Variants in ANKRD36B observed in about 807,000 individuals in gnomAD.
ANKRD36B encodes the protein ankyrin repeat domain 36B, also known as ankyrin repeat domain-containing protein 36B.
In ANKRD36B, 37 loss-of-function variants were observed where a neutral mutation model predicts 135.7. The observed-to-expected ratio is 0.27, with a 90% CI of 0.21 to 0.36. ANKRD36B has a LOEUF of 0.36. Ranked by LOEUF, ANKRD36B falls within the 10% of genes least tolerant of loss-of-function variation. ANKRD36B has a pLI of 1.00. For missense variants in ANKRD36B, 549 were observed against 1,037.1 expected, an observed-to-expected ratio of 0.53 and a Z score of 6.46; for synonymous variants, 179 against 348.1, an observed-to-expected ratio of 0.51 and a Z score of 5.41.
intron 4 of ANKRD36B, among the ~76,000 whole-genome samples, chr2:97,579,762 A>G (rs1236924335): frequency 6.6e-6 from 1 of 151,592 alleles, no homozygotes; most frequent in African/African-American, 2.4e-5. Flanking sequence ...GCACATACTT[A>G]TATGCTCAGC....
chr2:97,584,534 A>G (rs1316905053), intron 3 of ANKRD36B, among the ~76,000 whole-genome samples: 1 of 152,028 alleles, frequency 6.6e-6, no homozygotes, highest in African/African-American at 2.4e-5. Flanking sequence ...CAACATGTAC[A>G]TTTATTGTGA....
rs1174528561 is a variant in ANKRD36B, at chr2:97,530,280, C to T, written c.2265+2031G>A. ...TCTACAACTATCTGATCTTTGACAA[C>T]CCTGAGAAAAACAAGCAACGGGGAA... On this transcript the variant is annotated intron_variant, in intron 35 of 43. Transcript: ENST00000359901. 3.2e-5 allele frequency among the ~76,000 whole-genome samples: 3 copies of T among 94,872 alleles called. 1 individual carries two copies. Among genetic ancestry groups the T allele is most frequent in the African/African-American group, 9.6e-5 (3 of 31,272 alleles). The allele number at this position is 94,872 out of a possible 152,430, so 62.2% of individuals were successfully genotyped here.
At chr2:97,567,392 G>A (rs931708895) in intron 6 of ANKRD36B, among the ~76,000 whole-genome samples, 2 of 151,178 alleles carry the variant, frequency 1.3e-5, no homozygotes, top group African/African-American at 4.9e-5. Flanking sequence ...GAGGTGAGGG[G>A]TGGGGCTGGA....
At chr2:97,567,762 G>C (rs1411440498) in intron 6 of ANKRD36B, among the ~76,000 whole-genome samples, 1 of 152,102 alleles carries the variant, frequency 6.6e-6, no homozygotes, top group Non-Finnish European at 1.5e-5. Flanking sequence ...CCTTTGTCAA[G>C]TGCATACACA....
At chr2:97,558,598 T>G (rs1462498546) in intron 10 of ANKRD36B, among the ~76,000 whole-genome samples, 5 of 151,918 alleles carry the variant, frequency 3.3e-5, no homozygotes, top group African/African-American at 7.2e-5. Context: ...CTTCCCAATT[T>G]CAATGTGAGG....
intron 6 of ANKRD36B, among the ~76,000 whole-genome samples, chr2:97,570,909 C>T (rs910921442): frequency 5.9e-5 from 9 of 152,158 alleles, no homozygotes; most frequent in Non-Finnish European, 1.2e-4. Flanking sequence ...CCTGTGACTA[C>T]GATCAGAAGG....
intron 6 of ANKRD36B, among the ~76,000 whole-genome samples, chr2:97,563,085 A>C (rs1469578122): frequency 6.6e-6 from 1 of 152,052 alleles, no homozygotes; most frequent in African/African-American, 2.4e-5. Context: ...GAGCTATTTT[A>C]TGTTTAACTA....
At chr2:97,522,191 C>A (rs2077977885) in intron 36 of ANKRD36B, among the ~76,000 whole-genome samples, 1 of 90,794 alleles carries the variant, frequency 1.1e-5, no homozygotes, top group Admixed American at 9.9e-5. Context: ...CAATTAAAAT[C>A]TTCTGCTCTT....
intron 3 of ANKRD36B, among the ~76,000 whole-genome samples, chr2:97,584,542 T>G (rs2082842207): frequency 1.3e-5 from 2 of 151,984 alleles, no homozygotes; most frequent in Non-Finnish European, 2.9e-5. Context: ...ACATTTATTG[T>G]GAAATTCTTT....
At chr2:97,579,534 AT>A (rs2082447907) in intron 4 of ANKRD36B, among the ~76,000 whole-genome samples, 1 of 148,056 alleles carries the variant, frequency 6.8e-6, no homozygotes. Context: ...ATATATATAT[AT>A]ATATGGAGGA....
At chr2:97,504,725 AT>A (rs1301080445) in intron 43 of ANKRD36B, 1 of 21,432 alleles carries the variant, frequency 4.7e-5, no homozygotes, top group African/African-American at 2.0e-4. Flanking sequence ...CAAAAAAAAA[AT>A]AATAAAAAAA....
intron 6 of ANKRD36B, among the ~76,000 whole-genome samples, chr2:97,570,038 A>G (rs2081735873): frequency 6.6e-6 from 1 of 152,212 alleles, no homozygotes; most frequent in Non-Finnish European, 1.5e-5. Context: ...TAAATGAGAA[A>G]TCATTACTTA....
At position 97,528,703 on chromosome 2, in the gene ANKRD36B, A is replaced by G. The variant is rs1432586509; in HGVS notation, c.2265+3608T>C. On this transcript the variant is annotated intron_variant, in intron 35 of 43. Transcript: ENST00000359901. ...GAGAGAAGAATCAAATAGATGCAAT[A>G]CAAAATGATAAAGGGGGTATCACCA... Among the ~76,000 whole-genome samples the G allele has an allele frequency of 2.0e-4, 19 of 96,680 alleles. 7 individuals carry two copies. The highest frequency in any genetic ancestry group is 7.3e-4 in the Admixed American group (8 of 10,908). The allele number at this position is 96,680 out of a possible 152,430, so 63.4% of individuals were successfully genotyped here. A position where few individuals can be genotyped will look rare whatever the true frequency, so the allele number is the denominator to read the frequency against.
At chr2:97,557,743 T>C (rs2080659016) in intron 10 of ANKRD36B, among the ~76,000 whole-genome samples, 1 of 151,872 alleles carries the variant, frequency 6.6e-6, no homozygotes, top group African/African-American at 2.4e-5. Context: ...GTGCCTACAT[T>C]TGTTGTGTCC....
chr2:97,589,705 C>T lies in ANKRD36B; in HGVS notation c.-20G>A. 1 of 1,614,012 alleles carries T rather than the reference C, an allele frequency of 6.2e-7. No homozygotes were observed. The highest frequency in any genetic ancestry group is 8.5e-7 in the Non-Finnish European group (1 of 1,180,000). On this transcript the variant is annotated 5_prime_UTR_variant, in exon 1 of 44. Transcript: ENST00000359901. ...CTCCATGAGGGTGGGCCACCTCTCCCGCTCGTCGTCTTCCTTAATCGTCGG... is the reference window on the plus strand; with the variant it reads ...CTCCATGAGGGTGGGCCACCTCTCCTGCTCGTCGTCTTCCTTAATCGTCGG...
chr2:97,555,435 CA>C (rs1442159487), intron 12 of ANKRD36B, among the ~76,000 whole-genome samples, 181 bp from the exon 13 acceptor site: 1 of 151,770 alleles, frequency 6.6e-6, no homozygotes. Flanking sequence ...ACAGGTTTCA[CA>C]AAACAAACCC....
At chr2:97,552,794 C>T (rs532085957) in intron 16 of ANKRD36B, among the ~76,000 whole-genome samples, 5 of 151,944 alleles carry the variant, frequency 3.3e-5, no homozygotes, top group South Asian at 4.2e-4. Context: ...GTCTTTTCTT[C>T]GCAGTACGAT....
chr2:97,560,858 A>C lies in ANKRD36B; in HGVS notation c.766T>G (p.Ser256Ala), dbSNP rs1381884044. ...TTCTCAGCTCGTTGTTTCTGAGGAG[A>C]CACTGAAAAGCAAAAGGGATACATA... The part of the protein sequence containing the change: ...EDLPINSNPV[S>A]PQKQRAEKAT... Residue 256 changes from serine to alanine, a missense_variant and splice_region_variant, in exon 7 of 44, where the codon TCT becomes GCT. Ser to Ala is a moderately conservative substitution (Grantham distance 99). Coordinates refer to ENST00000359901, the MANE Select transcript of ANKRD36B (RefSeq NM_001393939.1). 11 of 1,573,512 alleles carry C rather than the reference A, an allele frequency of 7.0e-6. 1 individual carries two copies. The highest frequency in any genetic ancestry group is 9.5e-6 in the Non-Finnish European group (11 of 1,163,530).
chr2:97,553,284 A>T, intron 15 of ANKRD36B, 44 bp from the exon 16 acceptor site: 1 of 1,600,120 alleles, frequency 6.2e-7, no homozygotes, highest in Non-Finnish European at 8.5e-7. Flanking sequence ...TAAATAAATG[A>T]AGTATGTTTC....
Sources: gnomAD v4.1 joint callset for allele counts (sites outside exome capture counted in the v4.1 genomes callset) on GRCh38, gnomAD v4.1.1 for gene constraint, MANE v1.5 for transcripts, NCBI Gene and HGNC (gene_info 2026-07-23, HGNC 2026-07-21) for gene names.